Variants in NSMCE2 observed in about 807,000 individuals in gnomAD.
The protein encoded by NSMCE2 is E3 SUMO-protein ligase NSE2.
NSMCE2 carries 24 observed loss-of-function variants against 23.8 expected under a neutral mutation model. The observed-to-expected ratio is 1.01, with a 90% CI of 0.73 to 1.42. The LOEUF is 1.42. Among genes scored for constraint, NSMCE2 ranks in the 40% most tolerant of loss-of-function variants. The pLI, the probability that NSMCE2 is intolerant of heterozygous loss-of-function variation, is 0.00. For synonymous variants in NSMCE2, 92 were observed against 94.1 expected, an observed-to-expected ratio of 0.98 and a Z score of 0.13; for missense variants, 284 against 296.5, an observed-to-expected ratio of 0.96 and a Z score of 0.31.
intron 3 of NSMCE2, among the ~76,000 whole-genome samples, chr8:125,112,906 T>C (rs1469679887): frequency 6.6e-6 from 1 of 152,226 alleles, no homozygotes. Context: ...TCACTACCAA[T>C]AACTGATTTA....
At chr8:125,334,946 G>T (rs913448578) in intron 5 of NSMCE2, among the ~76,000 whole-genome samples, 24 of 151,598 alleles carry the variant, frequency 1.6e-4, no homozygotes, top group African/African-American at 5.8e-4. Context: ...TGTAGAGGCG[G>T]AGTCTCACTA....
At chr8:125,145,681 G>C (rs1820638115) in intron 3 of NSMCE2, among the ~76,000 whole-genome samples, 3 of 152,120 alleles carry the variant, frequency 2.0e-5, no homozygotes, top group Non-Finnish European at 4.4e-5. Context: ...TCAAATGTGT[G>C]GCTAATAAAA....
intron 1 of NSMCE2, among the ~76,000 whole-genome samples, chr8:125,095,820 T>C (rs1253766685): frequency 2.1e-5 from 3 of 144,612 alleles, no homozygotes; most frequent in Non-Finnish European, 4.5e-5. Flanking sequence ...AGGCGTAGGT[T>C]GCAGTGAGCC....
chr8:125,212,251 A>G lies in NSMCE2; in HGVS notation c.418+29995A>G, dbSNP rs1443407090. On this transcript the variant is annotated intron_variant, in intron 5 of 7. Coordinates refer to ENST00000287437, the MANE Select transcript of NSMCE2 (RefSeq NM_173685.4). ...AACACATATTCATTTAAAGGTATCA[A>G]TAAGATTTTATGACCTGTTTTCTGG... Among the ~76,000 whole-genome samples the G allele has an allele frequency of 5.9e-5, 9 of 152,200 alleles. No individual in the cohort carries two copies. In the East Asian group the frequency reaches 1.3e-3, roughly 23 times the overall value.
chr8:125,302,463 G>A (rs974564391), intron 5 of NSMCE2, among the ~76,000 whole-genome samples: 6 of 152,154 alleles, frequency 3.9e-5, no homozygotes, highest in African/African-American at 1.4e-4. Flanking sequence ...AGCTAACAAG[G>A]GGTGGATGAC....
At chr8:125,212,050 T>A (rs1824369658) in intron 5 of NSMCE2, among the ~76,000 whole-genome samples, 1 of 152,224 alleles carries the variant, frequency 6.6e-6, no homozygotes. Flanking sequence ...GCAAAGTCCA[T>A]CTGTCTCTAT....
chr8:125,249,992 C>T (rs1010134626), intron 5 of NSMCE2, among the ~76,000 whole-genome samples: 2 of 151,968 alleles, frequency 1.3e-5, no homozygotes, highest in African/African-American at 4.8e-5. Context: ...TTTACTTATT[C>T]ATTTATTTAT....
At chr8:125,355,271 T>C (rs1394078319) in intron 5 of NSMCE2, among the ~76,000 whole-genome samples, 3 of 151,912 alleles carry the variant, frequency 2.0e-5, no homozygotes, top group Non-Finnish European at 4.4e-5. Context: ...CTCTCACACA[T>C]TGAGGAAAGC....
intron 5 of NSMCE2, among the ~76,000 whole-genome samples, chr8:125,334,745 G>A (rs1374388456): frequency 1.3e-5 from 2 of 149,884 alleles, no homozygotes; most frequent in East Asian, 1.9e-4. Flanking sequence ...GAAGGATTGG[G>A]CCAAAAAAGA....
intron 4 of NSMCE2, among the ~76,000 whole-genome samples, chr8:125,170,941 C>T (rs771429266): frequency 5.3e-5 from 8 of 152,160 alleles, no homozygotes; most frequent in South Asian, 2.1e-4. Flanking sequence ...GCAAAACCTT[C>T]ACACATCTCT....
intron 3 of NSMCE2, among the ~76,000 whole-genome samples, chr8:125,135,865 A>G (rs1224395428): frequency 6.6e-6 from 1 of 152,152 alleles, no homozygotes; most frequent in African/African-American, 2.4e-5. Flanking sequence ...TGTCTTTTTC[A>G]AGGTTGTTTT....
intron 4 of NSMCE2, among the ~76,000 whole-genome samples, chr8:125,181,571 G>T (rs1453631045): frequency 6.6e-6 from 1 of 152,094 alleles, no homozygotes; most frequent in Non-Finnish European, 1.5e-5. Context: ...CATGGGTTGA[G>T]AATTTAGCCT....
chr8:125,136,916 A>G (rs968591469), intron 3 of NSMCE2, among the ~76,000 whole-genome samples: 4 of 152,178 alleles, frequency 2.6e-5, no homozygotes, highest in Non-Finnish European at 5.9e-5. Context: ...AATGTGAGAC[A>G]TCTTTTCAGA....
intron 5 of NSMCE2, among the ~76,000 whole-genome samples, chr8:125,206,755 G>C (rs543833674): frequency 1.3e-5 from 2 of 152,152 alleles, no homozygotes; most frequent in East Asian, 3.8e-4. Context: ...CTGGATTTTG[G>C]TATAAATCTT....
intron 5 of NSMCE2, among the ~76,000 whole-genome samples, chr8:125,251,881 A>G (rs1409939679): frequency 6.6e-6 from 1 of 152,196 alleles, no homozygotes; most frequent in African/African-American, 2.4e-5. Context: ...CCTACAGTAT[A>G]CTGCATTATA....
At chr8:125,170,602 T>C (rs1822150017) in intron 4 of NSMCE2, among the ~76,000 whole-genome samples, 1 of 151,992 alleles carries the variant, frequency 6.6e-6, no homozygotes, top group Non-Finnish European at 1.5e-5. Context: ...GTGATGGGGT[T>C]TCACCATGTT....
intron 5 of NSMCE2, among the ~76,000 whole-genome samples, chr8:125,265,586 T>C (rs1268276704): frequency 6.6e-6 from 1 of 152,196 alleles, no homozygotes; most frequent in African/African-American, 2.4e-5. Flanking sequence ...CAGTTTTTTG[T>C]TTTTTGTACC....
At chr8:125,313,139 G>A (rs1586753461) in intron 5 of NSMCE2, among the ~76,000 whole-genome samples, 4 of 124,934 alleles carry the variant, frequency 3.2e-5, no homozygotes, top group Admixed American at 9.2e-5. Flanking sequence ...GAAGGAAGGA[G>A]AAAGAAAGAA....
At chr8:125,113,919 A>G (rs1438633939) in intron 3 of NSMCE2, among the ~76,000 whole-genome samples, 1 of 152,190 alleles carries the variant, frequency 6.6e-6, no homozygotes, top group Non-Finnish European at 1.5e-5. Flanking sequence ...GTAGTGTGAC[A>G]ACTACTTTTA....
Sources: allele counts gnomAD v4.1 joint callset (sites outside exome capture counted in the v4.1 genomes callset), GRCh38; gene constraint gnomAD v4.1.1; transcripts MANE v1.5; gene names NCBI Gene and HGNC (gene_info 2026-07-23, HGNC 2026-07-21).